ARTN: variants seen among roughly 807,000 people sequenced by gnomAD.
ARTN encodes neublastin.
A neutral mutation model predicts 15.4 loss-of-function variants in ARTN; 9 were observed. The ratio of observed to expected loss-of-function variants is 0.58; its 90% confidence interval spans 0.35 to 1.02. ARTN has a LOEUF of 1.02. Among genes scored for constraint, ARTN ranks in the 50% least tolerant of loss-of-function variants. The pLI, the probability that ARTN is intolerant of heterozygous loss-of-function variation, is 0.02. For synonymous variants in ARTN, 163 were observed against 155.8 expected (o/e 1.05, Z -0.35); for missense variants, 284 against 327.9 (o/e 0.87, Z 1.03).
Position 43,936,599 on chromosome 1 carries a change from C to T in ARTN, c.497C>T (p.Ala166Val). ...CGCTCTCCACACGACCTCAGCCTGG[C>T]CAGCCTACTGGGCGCCGGGGCCCTG... is the stretch of plus-strand genomic sequence containing the variant. ...RARSPHDLSL[A>V]SLLGAGALRP... is the part of the protein sequence containing the mutation. Residue 166 changes from alanine to valine, a missense_variant, in exon 5 of 5, where the codon GCC becomes GTC. Transcript: ENST00000372359. The surrounding 1 kb of genome is among the most constrained non-coding windows in gnomAD (Gnocchi z 6.6). 1 of 1,589,280 alleles carries T rather than the reference C, an allele frequency of 6.3e-7. No homozygotes were observed. The highest frequency in any genetic ancestry group is 8.6e-7 in the Non-Finnish European group (1 of 1,169,268).
At chr1:43,934,061 G>A (rs1175000087) in intron 1 of ARTN, 51 bp from the exon 2 acceptor site, 1 of 152,742 alleles carries the variant, frequency 6.5e-6, no homozygotes, top group Non-Finnish European at 1.5e-5. Context: ...TTGTTGGACT[G>A]TGCTGGCCTT....
At chr1:43,935,869 C>T in intron 3 of ARTN, 153 bp downstream of exon 3, 1 of 915,256 alleles carries the variant, frequency 1.1e-6, no homozygotes, top group Non-Finnish European at 1.7e-6. Context: ...CGGGACTTCT[C>T]TGAATGGTCG....
At chr1:43,935,122 GCTCA>G (rs1387569872) in intron 2 of ARTN, among the ~76,000 whole-genome samples, 1 of 152,140 alleles carries the variant, frequency 6.6e-6, no homozygotes, top group South Asian at 2.1e-4. Flanking sequence ...GAGGCTTGGG[GCTCA>G]CTATCATTAG....
In ARTN at chr1:43,936,180, C is replaced by A; in HGVS notation, c.148C>A (p.Pro50Thr). ...SLGSAPRSPA[P>T]REGPPPVLAS... Reference sequence around the variant, plus strand: ...GGGCTCCGCGCCCCGCAGCCCTGCCCCCCGCGAAGGCCCCCCGCCTGTCCT... The same window carrying A: ...GGGCTCCGCGCCCCGCAGCCCTGCCACCCGCGAAGGCCCCCCGCCTGTCCT... The change falls in exon 4 of 5, where the codon CCC becomes ACC. Residue 50 changes from proline (P) to threonine (T), a missense_variant. Transcript: ENST00000372359. The surrounding 1 kb of genome is among the most constrained non-coding windows in gnomAD (Gnocchi z 6.6). 6.5e-7 allele frequency: 1 copy of A among 1,542,162 alleles called. No individual in the cohort carries two copies. The highest frequency in any genetic ancestry group is 1.2e-5 in the South Asian group (1 of 85,432).
chr1:43,934,431 A>ACTGGC (rs2085070624), intron 2 of ARTN, 171 bp downstream of exon 2: 1 of 152,478 alleles, frequency 6.6e-6, no homozygotes, highest in Non-Finnish European at 1.5e-5. Flanking sequence ...TCCATCACGG[A>ACTGGC]CAACAGTCAC....
At chr1:43,935,902 C>G in intron 3 of ARTN, 186 bp downstream of exon 3, 1 of 929,530 alleles carries the variant, frequency 1.1e-6, no homozygotes, top group South Asian at 1.6e-5. Context: ...GATTCCTCCC[C>G]TGGGCTCCCA....
chr1:43,936,901 G>A lies in ARTN; in HGVS notation c.*136G>A, dbSNP rs2085106131. Reference sequence around the variant, plus strand: ...AAAGCTGAGAGGCCCCTGCCGGTGGGTGATGGATATCATCCCCGAACAGGT... The same window carrying A: ...AAAGCTGAGAGGCCCCTGCCGGTGGATGATGGATATCATCCCCGAACAGGT... On this transcript the variant is annotated 3_prime_UTR_variant, in exon 5 of 5. Coordinates refer to ENST00000372359, the MANE Select transcript of ARTN (RefSeq NM_057091.3). The surrounding 1 kb of genome is among the most constrained non-coding windows in gnomAD (Gnocchi z 6.6). 39 of 1,184,354 alleles carry A rather than the reference G, an allele frequency of 3.3e-5. No homozygotes were observed. The highest frequency in any genetic ancestry group is 4.0e-5 in the Non-Finnish European group (37 of 919,712). The allele number at this position is 1,184,354 out of a possible 1,614,324, so 73.4% of individuals were successfully genotyped here. A position where few individuals can be genotyped will look rare whatever the true frequency, so the allele number is the denominator to read the frequency against.
In ARTN at chr1:43,936,405, C is replaced by G; in HGVS notation, c.303C>G (p.Arg101=). Residue 101 remains arginine (R), a synonymous_variant, in exon 5 of 5, where the codon CGC becomes CGG. Transcript: ENST00000372359. This position sits in a 1 kb window ranked among gnomAD's most constrained non-coding sequence, Gnocchi z 6.6. Reference sequence around the variant, plus strand: ...CTGCACCCCCATCTGCTCTTCCCCGCGGGGGCCGCGCGGCGCGGGCTGGGG... The same window carrying G: ...CTGCACCCCCATCTGCTCTTCCCCGGGGGGGCCGCGCGGCGCGGGCTGGGG... ...PPPAPPSALP[R]GGRAARAGGP... is the part of the protein sequence containing the mutation. The G allele has an allele frequency of 1.7e-6, 2 of 1,185,770 alleles. No homozygotes were observed. The highest frequency in any genetic ancestry group is 4.2e-5 in the South Asian group (1 of 24,096). The allele number at this position is 1,185,770 out of a possible 1,614,324, so 73.5% of individuals were successfully genotyped here.
chr1:43,936,977 C>G lies in ARTN; in HGVS notation c.*212C>G. 3.3e-6 allele frequency: 2 copies of G among 609,446 alleles called. No homozygotes were observed. 37.8% of individuals were successfully genotyped at this position (609,446 alleles called of 1,614,324 possible). The stretch of plus-strand genomic sequence containing the variant: ...AGAGCCCTCACCCTGCGGATCCCAG[C>G]CTAAAAGACACCAGAGACCTCAGCT... On this transcript the variant is annotated 3_prime_UTR_variant, in exon 5 of 5. Transcript: ENST00000372359. This position sits in a 1 kb window ranked among gnomAD's most constrained non-coding sequence, Gnocchi z 6.6.
intron 2 of ARTN, chr1:43,935,348 C>T (rs1009360741): frequency 1.6e-5 from 6 of 381,012 alleles, no homozygotes; most frequent in Middle Eastern, 1.4e-3. Flanking sequence ...GACCTTGTAA[C>T]CTTAGACAAC....
rs545367131 is a variant in ARTN, at chr1:43,934,134, C to T, written c.-194C>T. On this transcript the variant is annotated 5_prime_UTR_variant, in exon 2 of 5. Transcript: ENST00000372359. ...CAGGGTGCAGACTGGCTGCCAAGGCCACACTTTTGGCTAAAAGAGGCACTG... is the reference window on the plus strand; with the variant it reads ...CAGGGTGCAGACTGGCTGCCAAGGCTACACTTTTGGCTAAAAGAGGCACTG... The T allele has an allele frequency of 2.0e-5, 3 of 152,922 alleles. No individual in the cohort carries two copies. Among genetic ancestry groups the T allele is most frequent in the African/African-American group, 7.2e-5 (3 of 41,590 alleles). The allele number at this position is 152,922 out of a possible 1,614,324, so 9.5% of individuals were successfully genotyped here.
rs1415190296 is a variant in ARTN, at chr1:43,936,143, A to C, written c.111A>C (p.Ala37=). ...LAALALLSSV[A]EASLGSAPRS... Reference sequence around the variant, plus strand: ...CTCTGGCTCTGCTGAGCAGCGTCGCAGAGGCCTCCCTGGGCTCCGCGCCCC... The same window carrying C: ...CTCTGGCTCTGCTGAGCAGCGTCGCCGAGGCCTCCCTGGGCTCCGCGCCCC... Residue 37 remains alanine (A), a synonymous_variant, in exon 4 of 5, where the codon GCA becomes GCC. Coordinates refer to ENST00000372359, the MANE Select transcript of ARTN (RefSeq NM_057091.3). The surrounding 1 kb of genome is among the most constrained non-coding windows in gnomAD (Gnocchi z 6.6). 6.3e-7 allele frequency: 1 copy of C among 1,598,360 alleles called. No individual in the cohort carries two copies. The highest frequency in any genetic ancestry group is 8.5e-7 in the Non-Finnish European group (1 of 1,177,772).
Position 43,936,262 on chromosome 1 carries a change from G to A in ARTN, c.199+31G>A. Reference sequence around the variant, plus strand: ...TGAGAGGGCGAGGGGGCGGGGCGGGGCTGGCCCGGGACACCGCGCGTGACT... The same window carrying A: ...TGAGAGGGCGAGGGGGCGGGGCGGGACTGGCCCGGGACACCGCGCGTGACT... On this transcript the variant is annotated intron_variant, in intron 4 of 4. Coordinates refer to ENST00000372359, the MANE Select transcript of ARTN (RefSeq NM_057091.3). This position sits in a 1 kb window ranked among gnomAD's most constrained non-coding sequence, Gnocchi z 6.6. The A allele has an allele frequency of 2.1e-6, 3 of 1,403,968 alleles. No homozygotes were observed. The highest frequency in any genetic ancestry group is 1.6e-5 in the South Asian group (1 of 63,538). The allele number at this position is 1,403,968 out of a possible 1,614,324, so 87.0% of individuals were successfully genotyped here. A position where few individuals can be genotyped will look rare whatever the true frequency, so the allele number is the denominator to read the frequency against.
Position 43,936,537 on chromosome 1 carries a change from GCGTTTCCGC to G in ARTN, c.436_444del (p.Arg146_Arg148del). On this transcript the variant is annotated inframe_deletion, in exon 5 of 5. Transcript: ENST00000372359. This position sits in a 1 kb window ranked among gnomAD's most constrained non-coding sequence, Gnocchi z 6.6. Reference sequence around the variant, plus strand: ...TGGGCCACCGCTCCGACGAGCTGGTGCGTTTCCGCTTCTGCAGCGGCTCCTGCCGCCGCG... The same window carrying G: ...TGGGCCACCGCTCCGACGAGCTGGTGTTCTGCAGCGGCTCCTGCCGCCGCG... 6.6e-7 allele frequency: 1 copy of G among 1,512,820 alleles called. No homozygotes were observed. The highest frequency in any genetic ancestry group is 2.1e-5 in the Admixed American group (1 of 48,778). The allele number at this position is 1,512,820 out of a possible 1,614,324, so 93.7% of individuals were successfully genotyped here.
intron 2 of ARTN, among the ~76,000 whole-genome samples, chr1:43,934,799 C>A (rs1445675994): frequency 6.6e-6 from 1 of 152,154 alleles, no homozygotes; most frequent in Admixed American, 6.5e-5. Context: ...TGGCTCAGCT[C>A]TCAGAGACCA....
intron 3 of ARTN, 111 bp from the exon 4 acceptor site, chr1:43,935,982 A>G: frequency 6.8e-7 from 1 of 1,467,320 alleles, no homozygotes; most frequent in Non-Finnish European, 9.5e-7. Context: ...CTAGGAGCCC[A>G]TGCCCGGCCT....
Position 43,934,153 on chromosome 1 carries a change from G to A in ARTN, c.-175G>A, listed in dbSNP as rs979353407. On this transcript the variant is annotated 5_prime_UTR_variant, in exon 2 of 5. Coordinates refer to ENST00000372359, the MANE Select transcript of ARTN (RefSeq NM_057091.3). ...CAAGGCCACACTTTTGGCTAAAAGAGGCACTGCCAGGTGTACAGTCCTGGG... is the reference window on the plus strand; with the variant it reads ...CAAGGCCACACTTTTGGCTAAAAGAAGCACTGCCAGGTGTACAGTCCTGGG... 1.3e-5 allele frequency: 2 copies of A among 152,826 alleles called. No individual in the cohort carries two copies. The highest frequency in any genetic ancestry group is 2.4e-5 in the African/African-American group (1 of 41,474). The allele number at this position is 152,826 out of a possible 1,614,324, so 9.5% of individuals were successfully genotyped here. A position where few individuals can be genotyped will look rare whatever the true frequency, so the allele number is the denominator to read the frequency against.
At position 43,936,708 on chromosome 1, in the gene ARTN, C is replaced by T; in HGVS notation, c.606C>T (p.Asn202=). ...RYEAVSFMDV[N]STWRTVDRLS... is the part of the protein sequence containing the mutation. ...AAGCGGTCTCCTTCATGGACGTCAA[C>T]AGCACCTGGAGAACCGTGGACCGCC... Residue 202 remains asparagine (N), a synonymous_variant, in exon 5 of 5, where the codon AAC becomes AAT. Coordinates refer to ENST00000372359, the MANE Select transcript of ARTN (RefSeq NM_057091.3). This position sits in a 1 kb window ranked among gnomAD's most constrained non-coding sequence, Gnocchi z 6.6. 1 of 1,587,390 alleles carries T rather than the reference C, an allele frequency of 6.3e-7. No individual in the cohort carries two copies. Among genetic ancestry groups the T allele is most frequent in the Middle Eastern group, 1.7e-4 (1 of 5,980 alleles).
Position 43,936,424 on chromosome 1 carries a change from G to A in ARTN, c.322G>A (p.Ala108Thr). Residue 108 changes from alanine (A) to threonine (T), a missense_variant, in exon 5 of 5, where the codon GCT becomes ACT. By Grantham distance (58) the Ala-to-Thr change is moderately conservative. Coordinates refer to ENST00000372359, the MANE Select transcript of ARTN (RefSeq NM_057091.3). The surrounding 1 kb of genome is among the most constrained non-coding windows in gnomAD (Gnocchi z 6.6). ...ALPRGGRAAR[A>T]GGPGSRARAA... is the part of the protein sequence containing the mutation. The stretch of plus-strand genomic sequence containing the variant: ...TCCCCGCGGGGGCCGCGCGGCGCGG[G>A]CTGGGGGCCCGGGCAGCCGCGCTCG... The A allele has an allele frequency of 8.7e-7, 1 of 1,146,184 alleles. No homozygotes were observed. Among genetic ancestry groups the A allele is most frequent in the Non-Finnish European group, 1.1e-6 (1 of 933,980 alleles). The allele number at this position is 1,146,184 out of a possible 1,614,324, so 71.0% of individuals were successfully genotyped here.
Sources: gnomAD v4.1 joint callset for allele counts (sites outside exome capture counted in the v4.1 genomes callset) on GRCh38, gnomAD v4.1.1 for gene constraint, Gnocchi (gnomAD v3.1) non-coding constraint, MANE v1.5 for transcripts, NCBI Gene and HGNC (gene_info 2026-07-23, HGNC 2026-07-21) for gene names.